Variants in SPRED2 observed in about 807,000 individuals in gnomAD.
SPRED2 encodes sprouty-related, EVH1 domain-containing protein 2.
A neutral mutation model predicts 43.0 loss-of-function variants in SPRED2; 47 were observed. That is an observed-to-expected ratio of 1.09 (90% CI 0.87 to 1.40). The LOEUF is 1.40. Among genes scored for constraint, SPRED2 ranks in the 40% most tolerant of loss-of-function variants. SPRED2 has a pLI of 0.00. For synonymous variants in SPRED2, 225 were observed against 225.7 expected, an observed-to-expected ratio of 1.00 and a Z score of 0.03; for missense variants, 561 against 586.4, an observed-to-expected ratio of 0.96 and a Z score of 0.45.
At chr2:65,391,375 G>T (rs1225471045) in intron 1 of SPRED2, among the ~76,000 whole-genome samples, 1 of 152,212 alleles carries the variant, frequency 6.6e-6, no homozygotes, top group African/African-American at 2.4e-5. Flanking sequence ...GCTCAGAAAT[G>T]ATGGACCCAT....
At chr2:65,385,937 G>A (rs988524411) in intron 1 of SPRED2, among the ~76,000 whole-genome samples, 3 of 152,158 alleles carry the variant, frequency 2.0e-5, no homozygotes, top group African/African-American at 7.2e-5. Context: ...ATTGTTAACT[G>A]ATCATGCCCA....
chr2:65,338,089 CATG>C lies in SPRED2; in HGVS notation c.205-3319_205-3317del, dbSNP rs139230979. On this transcript the variant is annotated intron_variant, in intron 2 of 5. Coordinates refer to ENST00000356388, the MANE Select transcript of SPRED2 (RefSeq NM_181784.3). ...AGCACTATTTTTCAGGTGACCAGTG[CATG>C]ATGTTACAAAATCAGGGATGAGTAA... 5.0e-3 allele frequency among the ~76,000 whole-genome samples: 730 copies of C among 147,196 alleles called. 7 individuals are homozygous for C. Among genetic ancestry groups the C allele is most frequent in the South Asian group, 0.01 (46 of 4,468 alleles).
rs146072471 is a variant in SPRED2, at chr2:65,313,953, C to T, written c.805G>A (p.Val269Met). ...VPKHDYNYPY[V>M]DSSDFGLGED... Reference sequence around the variant, plus strand: ...CCTAGGCCAAAGTCTGAGGAGTCCACGTAGGGGTAGTTGTAGTCATGCTTG... The same window carrying T: ...CCTAGGCCAAAGTCTGAGGAGTCCATGTAGGGGTAGTTGTAGTCATGCTTG... Residue 269 changes from valine to methionine, a missense_variant, in exon 6 of 6, where the codon GTG (valine) becomes ATG (methionine). Coordinates refer to ENST00000356388, the MANE Select transcript of SPRED2 (RefSeq NM_181784.3). 1.2e-6 allele frequency: 2 copies of T among 1,611,998 alleles called. No individual in the cohort carries two copies. The highest frequency in any genetic ancestry group is 1.3e-5 in the African/African-American group (1 of 74,946).
intron 2 of SPRED2, among the ~76,000 whole-genome samples, chr2:65,341,490 A>T (rs894269666): frequency 3.9e-5 from 6 of 152,104 alleles, no homozygotes; most frequent in African/African-American, 1.4e-4. Context: ...ATATTATGCC[A>T]AGTTAGTGTG....
At chr2:65,362,231 T>C (rs987946084) in intron 1 of SPRED2, among the ~76,000 whole-genome samples, 3 of 152,156 alleles carry the variant, frequency 2.0e-5, no homozygotes, top group Non-Finnish European at 2.9e-5. Context: ...AGCCTGCTTC[T>C]GCAGCACTTG....
At chr2:65,374,670 A>G (rs1319524661) in intron 1 of SPRED2, among the ~76,000 whole-genome samples, 2 of 152,232 alleles carry the variant, frequency 1.3e-5, no homozygotes, top group Non-Finnish European at 2.9e-5. Flanking sequence ...AATACTTGAA[A>G]ATTCTTCCTG....
chr2:65,359,932 C>G (rs1310369091), intron 1 of SPRED2, among the ~76,000 whole-genome samples: 1 of 151,672 alleles, frequency 6.6e-6, no homozygotes, highest in African/African-American at 2.4e-5. Context: ...TGGTGTGGTT[C>G]TGTGTGCCTG....
At chr2:65,427,075 G>A (rs55773648) in intron 1 of SPRED2, among the ~76,000 whole-genome samples, 5,884 of 151,962 alleles carry the variant, frequency 0.039, 167 homozygotes, top group Non-Finnish European at 0.059. Context: ...TTACTTTTAA[G>A]ATTTTTTTTT....
chr2:65,383,315 T>C (rs1467294895), intron 1 of SPRED2, among the ~76,000 whole-genome samples: 3 of 152,194 alleles, frequency 2.0e-5, no homozygotes, highest in Non-Finnish European at 4.4e-5. Flanking sequence ...CTAGTTCCCT[T>C]GTCTGTGAGG....
At chr2:65,328,851 T>C (rs1016697617) in intron 4 of SPRED2, among the ~76,000 whole-genome samples, 1 of 152,214 alleles carries the variant, frequency 6.6e-6, no homozygotes, top group African/African-American at 2.4e-5. Context: ...GCTTTAATGT[T>C]TGCTGGGGAT....
intron 1 of SPRED2, among the ~76,000 whole-genome samples, chr2:65,356,659 C>T (rs1203764137): frequency 6.8e-6 from 1 of 146,558 alleles, no homozygotes; most frequent in African/African-American, 2.5e-5. Flanking sequence ...ATACCAAATT[C>T]TAAACCTACA....
At chr2:65,428,560 T>C (rs1334180952) in intron 1 of SPRED2, among the ~76,000 whole-genome samples, 2 of 152,266 alleles carry the variant, frequency 1.3e-5, no homozygotes, top group African/African-American at 2.4e-5. Context: ...CTCAAATATT[T>C]AGGTACAACA....
chr2:65,354,161 TCC>T lies in SPRED2; in HGVS notation c.27-9267_27-9266del, dbSNP rs535896156. On this transcript the variant is annotated intron_variant, in intron 1 of 5. Coordinates refer to ENST00000356388, the MANE Select transcript of SPRED2 (RefSeq NM_181784.3). Reference sequence around the variant, plus strand: ...GCAGGCAATTAGGGATCCTCTGACATCCCCCGAGCCTGGGAGCCCTGAGTGAC... The same window carrying T: ...GCAGGCAATTAGGGATCCTCTGACATCCCGAGCCTGGGAGCCCTGAGTGAC... Among the ~76,000 whole-genome samples, 174 of 152,234 alleles carry T rather than the reference TCC, an allele frequency of 1.1e-3. 2 individuals carry two copies. Among genetic ancestry groups the T allele is most frequent in the Non-Finnish European group, 2.1e-3 (141 of 68,008 alleles).
rs1228467974 is a variant in SPRED2, at chr2:65,313,277, C to A, written c.*224G>T. On this transcript the variant is annotated 3_prime_UTR_variant, in exon 6 of 6. Transcript: ENST00000356388. ...TTCCTTCCTCAGAACACTGTGCGAGCGTGTGTGTATGGATGTGGCTGCTGC... is the reference window on the plus strand; with the variant it reads ...TTCCTTCCTCAGAACACTGTGCGAGAGTGTGTGTATGGATGTGGCTGCTGC... 4 of 1,388,136 alleles carry A rather than the reference C, an allele frequency of 2.9e-6. No individual in the cohort carries two copies. The highest frequency in any genetic ancestry group is 3.3e-5 in the Admixed American group (1 of 29,884). 86.0% of individuals were successfully genotyped at this position (1,388,136 alleles called of 1,614,324 possible).
intron 2 of SPRED2, among the ~76,000 whole-genome samples, chr2:65,339,168 G>A (rs1178734344): frequency 1.7e-4 from 24 of 143,336 alleles, no homozygotes; most frequent in African/African-American, 3.4e-4. Flanking sequence ...CTGCCCGGCC[G>A]CCCCTACTGG....
chr2:65,350,783 GCA>G (rs1345010856), intron 1 of SPRED2, among the ~76,000 whole-genome samples: 1 of 152,190 alleles, frequency 6.6e-6, no homozygotes, highest in East Asian at 1.9e-4. Context: ...CAGTTTCAAA[GCA>G]GGCCCCGTCT....
intron 5 of SPRED2, among the ~76,000 whole-genome samples, chr2:65,316,119 C>T (rs947486703): frequency 2.0e-5 from 3 of 152,180 alleles, no homozygotes; most frequent in African/African-American, 4.8e-5. Context: ...GCCTAGTGGC[C>T]ACAGCACCCC....
intron 4 of SPRED2, among the ~76,000 whole-genome samples, chr2:65,330,774 C>T (rs1673788960): frequency 6.6e-6 from 1 of 152,150 alleles, no homozygotes; most frequent in Admixed American, 6.5e-5. Context: ...CCTCAGGGGA[C>T]ACATGCTAAA....
chr2:65,401,937 G>GCGCGCACACACACACACACACA (rs776512353), intron 1 of SPRED2, among the ~76,000 whole-genome samples: 60 of 114,756 alleles, frequency 5.2e-4, no homozygotes, highest in East Asian at 9.0e-4. Context: ...GCGCGCGCGC[G>GCGCGCACACACACACACACACA]CACACACACA....
Sources: allele counts gnomAD v4.1 joint callset (sites outside exome capture counted in the v4.1 genomes callset), GRCh38; gene constraint gnomAD v4.1.1; transcripts MANE v1.5; gene names NCBI Gene and HGNC (gene_info 2026-07-23, HGNC 2026-07-21).